Variants in DNAJC5B observed in about 807,000 individuals in gnomAD.
DNAJC5B encodes the protein dnaJ homolog subfamily C member 5B.
Under a neutral mutation model 24.7 loss-of-function variants are expected in DNAJC5B, and 23 were observed. The ratio of observed to expected loss-of-function variants is 0.93; its 90% CI spans 0.67 to 1.32. DNAJC5B has a LOEUF of 1.32. Among genes scored for constraint, DNAJC5B ranks in the 40% most tolerant of loss-of-function variants. DNAJC5B has a pLI of 0.00. For missense variants in DNAJC5B, 238 were observed against 240.8 expected (o/e 0.99, Z 0.08); for synonymous variants, 101 against 90.1 (o/e 1.12, Z -0.68).
At chr8:66,095,893 T>C (rs1807942540) in intron 5 of DNAJC5B, among the ~76,000 whole-genome samples, 4 of 152,188 alleles carry the variant, frequency 2.6e-5, no homozygotes, top group Admixed American at 2.0e-4. Context: ...TGCTTTGAAA[T>C]GTCTTAGGAC....
At chr8:66,095,635 T>C (rs79683034) in intron 5 of DNAJC5B, among the ~76,000 whole-genome samples, 7,488 of 150,104 alleles carry the variant, frequency 0.05, 231 homozygotes, top group Middle Eastern at 0.085. Flanking sequence ...TTTTGAATTT[T>C]CTTATAAGTT....
At chr8:66,037,629 C>T (rs544634699) in intron 1 of DNAJC5B, among the ~76,000 whole-genome samples, 1 of 152,332 alleles carries the variant, frequency 6.6e-6, no homozygotes, top group East Asian at 1.9e-4. Flanking sequence ...CACTCAGTGT[C>T]AGCCATACGG....
At chr8:66,092,651 T>C (rs79873531) in intron 5 of DNAJC5B, among the ~76,000 whole-genome samples, 7,526 of 152,264 alleles carry the variant, frequency 0.049, 230 homozygotes, top group Middle Eastern at 0.085. Flanking sequence ...TCTTAAATCA[T>C]GTGTAACCAG....
chr8:66,070,497 G>A (rs950506635), intron 3 of DNAJC5B, among the ~76,000 whole-genome samples: 2 of 152,164 alleles, frequency 1.3e-5, no homozygotes, highest in Non-Finnish European at 2.9e-5. Context: ...CCAACTTGAA[G>A]GGATGTGAAG....
chr8:66,021,040 G>A (rs1016784054), upstream of DNAJC5B, among the ~76,000 whole-genome samples: 1 of 152,116 alleles, frequency 6.6e-6, no homozygotes, highest in East Asian at 1.9e-4. Flanking sequence ...TCTAGAAATG[G>A]TCTGGTGGCT....
At chr8:66,015,725 G>T in the DNAJC5B span, among the ~76,000 whole-genome samples, 17 of 152,188 alleles carry the variant, frequency 1.1e-4, no homozygotes, top group Non-Finnish European at 5.9e-5. Flanking sequence ...GCTGCAGGAA[G>T]GTGTTAAGAG....
rs1808057663 is a variant in DNAJC5B, at chr8:66,100,771, C to T, written c.*740C>T. 6.6e-6 allele frequency among the ~76,000 whole-genome samples: 1 copy of T among 152,140 alleles called. No homozygotes were observed. The highest frequency in any genetic ancestry group is 1.5e-5 in the Non-Finnish European group (1 of 68,022). Reference sequence around the variant, plus strand: ...TTCTAGTAAAATAATTTTTGTATAACTGGCTCAGATTAGCCAGACTAAGGG... The same window carrying T: ...TTCTAGTAAAATAATTTTTGTATAATTGGCTCAGATTAGCCAGACTAAGGG... On this transcript the variant is annotated 3_prime_UTR_variant, in exon 6 of 6. Coordinates refer to ENST00000276570, the MANE Select transcript of DNAJC5B (RefSeq NM_033105.6).
chr8:66,037,201 G>A (rs1185277319), intron 1 of DNAJC5B, among the ~76,000 whole-genome samples: 1 of 152,234 alleles, frequency 6.6e-6, no homozygotes, highest in Non-Finnish European at 1.5e-5. Flanking sequence ...GTTGACTGGT[G>A]TGTGTGTCTG....
chr8:66,049,084 C>G (rs1316511152), intron 2 of DNAJC5B, among the ~76,000 whole-genome samples: 2 of 152,218 alleles, frequency 1.3e-5, no homozygotes, highest in African/African-American at 4.8e-5. Context: ...AGACCTAGCC[C>G]ACACTTTAGG....
At chr8:66,030,788 C>G (rs1343074273) in intron 1 of DNAJC5B, among the ~76,000 whole-genome samples, 1 of 152,194 alleles carries the variant, frequency 6.6e-6, no homozygotes, top group Non-Finnish European at 1.5e-5. Context: ...AGGTGCCCAC[C>G]ACCATGCCCT....
At chr8:66,038,952 T>C (rs2128957490) in intron 1 of DNAJC5B, among the ~76,000 whole-genome samples, 1 of 152,350 alleles carries the variant, frequency 6.6e-6, no homozygotes, top group Non-Finnish European at 1.5e-5. Context: ...GATTCTGAGC[T>C]TTACTTAACC....
intron 3 of DNAJC5B, among the ~76,000 whole-genome samples, chr8:66,064,295 G>A (rs750645249): frequency 1.2e-4 from 18 of 152,302 alleles, no homozygotes; most frequent in Non-Finnish European, 2.1e-4. Context: ...CTGGGAGCCT[G>A]AAAAGAGCTA....
At chr8:66,015,936 G>A in the DNAJC5B span, among the ~76,000 whole-genome samples, 1 of 152,144 alleles carries the variant, frequency 6.6e-6, no homozygotes, top group African/African-American at 2.4e-5. Context: ...TGTGCTGAGG[G>A]CATAATTGAG....
Position 66,080,409 on chromosome 8 carries a change from C to G in DNAJC5B, c.366C>G (p.Gly122=). The G allele has an allele frequency of 1.9e-6, 3 of 1,613,816 alleles. No homozygotes were observed. The highest frequency in any genetic ancestry group is 2.5e-6 in the Non-Finnish European group (3 of 1,179,910). ...TTGTCATCGTTGGCCTCTTGACGGG[C>G]TGCTACTTTTGCTGCTGCCTGTGCT... ...ALFVIVGLLT[G]CYFCCCLCCC... The change falls in exon 5 of 6, where the codon GGC becomes GGG. Residue 122 remains glycine (G), a synonymous_variant. Transcript: ENST00000276570.
chr8:66,067,914 C>A (rs116022222), intron 3 of DNAJC5B, among the ~76,000 whole-genome samples: 2,628 of 152,264 alleles, frequency 0.017, 63 homozygotes, highest in African/African-American at 0.059. Context: ...CTTTTAAGTT[C>A]CTAAACTTTA....
At chr8:66,077,295 T>C (rs1807488742) in intron 4 of DNAJC5B, among the ~76,000 whole-genome samples, 1 of 152,162 alleles carries the variant, frequency 6.6e-6, no homozygotes, top group Admixed American at 6.5e-5. Context: ...GTGGTAATTA[T>C]GTCAGAGACT....
chr8:66,051,749 T>G, intron 3 of DNAJC5B, 83 bp downstream of exon 3: 3 of 1,070,618 alleles, frequency 2.8e-6, no homozygotes, highest in Non-Finnish European at 4.2e-6. Flanking sequence ...AGACATAAGC[T>G]TCTCACTAAG....
intron 3 of DNAJC5B, among the ~76,000 whole-genome samples, chr8:66,054,012 G>A (rs558711304): frequency 6.7e-6 from 1 of 150,186 alleles, no homozygotes; most frequent in Admixed American, 6.6e-5. Context: ...TTTAATGGCT[G>A]TGGCCTACGG....
At position 66,086,167 on chromosome 8, in the gene DNAJC5B, T is replaced by C. The variant is rs117842460; in HGVS notation, c.505+5619T>C. On this transcript the variant is annotated intron_variant, in intron 5 of 5. Transcript: ENST00000276570. The stretch of plus-strand genomic sequence containing the variant: ...GTCTTTGCTAAACTCATTTAACAGT[T>C]TGGATTTTTGTGTGTGTGTAAATTC... Among the ~76,000 whole-genome samples, 82 of 152,346 alleles carry C rather than the reference T, an allele frequency of 5.4e-4. 2 individuals carry two copies. The East Asian group carries it at 0.014, about 27-fold the overall frequency.
Sources: allele counts gnomAD v4.1 joint callset (sites outside exome capture counted in the v4.1 genomes callset), GRCh38; gene constraint gnomAD v4.1.1; transcripts MANE v1.5; gene names NCBI Gene and HGNC (gene_info 2026-07-23, HGNC 2026-07-21).